The following RGL1 variants were observed in gnomAD, a reference collection of about 807,000 sequenced individuals.
RGL1 encodes the protein ral guanine nucleotide dissociation stimulator-like 1.
In RGL1, 24 loss-of-function variants were observed where a neutral mutation model predicts 95.2. The ratio of observed to expected loss-of-function variants is 0.25; its 90% CI spans 0.18 to 0.35. The LOEUF is 0.35. RGL1 is among the 10% of genes least tolerant of loss of function. The probability of loss-of-function intolerance (pLI) is 1.00; values close to 1 mark genes in which losing one functional copy is unlikely to be tolerated. For missense variants in RGL1, 715 were observed against 936.3 expected, an observed-to-expected ratio of 0.76 and a Z score of 3.08; for synonymous variants, 329 against 344.9, an observed-to-expected ratio of 0.95 and a Z score of 0.51.
intron 1 of RGL1, among the ~76,000 whole-genome samples, chr1:183,716,940 A>G (rs1333356018): frequency 6.6e-6 from 1 of 152,210 alleles, no homozygotes. Context: ...CTGGCAAATC[A>G]GGGAGCCAAG....
chr1:183,833,867 T>A, intron 2 of RGL1, among the ~76,000 whole-genome samples: 1 of 152,264 alleles, frequency 6.6e-6, no homozygotes, highest in East Asian at 1.9e-4. Flanking sequence ...CTGCAGTTAG[T>A]ATTTTTAGTT....
chr1:183,813,304 G>A (rs1661852602), intron 2 of RGL1, among the ~76,000 whole-genome samples: 1 of 152,170 alleles, frequency 6.6e-6, no homozygotes, highest in Non-Finnish European at 1.5e-5. Context: ...AAATGTACTG[G>A]GGACTTCAAG....
At chr1:183,908,493 T>C (rs1475202526) in intron 14 of RGL1, among the ~76,000 whole-genome samples, 1 of 152,234 alleles carries the variant, frequency 6.6e-6, no homozygotes, top group Non-Finnish European at 1.5e-5. Flanking sequence ...ATGACTGTCC[T>C]GGCCCTGCGG....
intron 10 of RGL1, among the ~76,000 whole-genome samples, chr1:183,898,813 C>A (rs1392952443): frequency 6.6e-6 from 1 of 152,124 alleles, no homozygotes; most frequent in East Asian, 1.9e-4. Context: ...AGGACAAAAC[C>A]CTCCTTGGTA....
intron 1 of RGL1, among the ~76,000 whole-genome samples, chr1:183,644,142 A>G (rs1418062778): frequency 2.6e-5 from 4 of 152,178 alleles, no homozygotes; most frequent in African/African-American, 9.7e-5. Flanking sequence ...ATTCTTTCAG[A>G]CTTTGTAGTG....
rs766042430 is a variant in RGL1, at chr1:183,883,888, A to G, written c.713A>G (p.Glu238Gly). ...TGCTTCTCAGAAGATCTCGTGGCAG[A>G]GCAGCTGACCTACATGGATGCAGTA... Reference protein sequence around the residue: ...FTCFSEDLVAEQLTYMDAQLF... With the variant: ...FTCFSEDLVAGQLTYMDAQLF... The change falls in exon 6 of 18, where the codon GAG (glutamate) becomes GGG (glycine). Residue 238 changes from glutamate to glycine, a missense_variant. Coordinates refer to ENST00000360851, the MANE Select transcript of RGL1 (RefSeq NM_001297671.3). The G allele has an allele frequency of 3.7e-6, 6 of 1,613,958 alleles. No homozygotes were observed. The highest frequency in any genetic ancestry group is 1.1e-5 in the South Asian group (1 of 91,076).
chr1:183,827,067 C>G (rs1208948013), intron 2 of RGL1, among the ~76,000 whole-genome samples: 1 of 152,156 alleles, frequency 6.6e-6, no homozygotes, highest in African/African-American at 2.4e-5. Context: ...GGATTACAGG[C>G]ATACGCCACC....
chr1:183,699,922 T>C (rs1425953490), intron 1 of RGL1, among the ~76,000 whole-genome samples: 1 of 152,050 alleles, frequency 6.6e-6, no homozygotes, highest in Admixed American at 6.6e-5. Context: ...TTCCTAGGAG[T>C]GTCTACCTCA....
chr1:183,828,731 AAT>A, intron 2 of RGL1, among the ~76,000 whole-genome samples: 1 of 152,342 alleles, frequency 6.6e-6, no homozygotes, highest in Non-Finnish European at 1.5e-5. Context: ...CCCAATCTGA[AAT>A]TTACTAGTCA....
chr1:183,713,534 TG>T (rs2102182762), intron 1 of RGL1, among the ~76,000 whole-genome samples: 1 of 152,132 alleles, frequency 6.6e-6, no homozygotes, highest in African/African-American at 2.4e-5. Flanking sequence ...CATTTGGGAG[TG>T]GGGCCTTTTG....
intron 2 of RGL1, among the ~76,000 whole-genome samples, chr1:183,842,218 A>C (rs1446173343): frequency 6.6e-6 from 1 of 152,142 alleles, no homozygotes; most frequent in African/African-American, 2.4e-5. Context: ...GATATACTGA[A>C]GAGTGATCAT....
At chr1:183,730,893 C>A (rs1169351852) in intron 1 of RGL1, among the ~76,000 whole-genome samples, 1 of 152,156 alleles carries the variant, frequency 6.6e-6, no homozygotes, top group Non-Finnish European at 1.5e-5. Flanking sequence ...TTCAAAGTAA[C>A]AAGCCTCGAA....
intron 2 of RGL1, among the ~76,000 whole-genome samples, chr1:183,785,504 A>G (rs1660112457): frequency 6.6e-6 from 1 of 152,136 alleles, no homozygotes; most frequent in African/African-American, 2.4e-5. Context: ...ATTATTTTTG[A>G]GGTCCTATTA....
chr1:183,750,876 G>A (rs1196568650), intron 2 of RGL1, among the ~76,000 whole-genome samples: 1 of 152,202 alleles, frequency 6.6e-6, no homozygotes, highest in Admixed American at 6.5e-5. Context: ...GTTTGTCTGG[G>A]TATCACCAGT....
chr1:183,658,372 A>G (rs1055492731), intron 1 of RGL1, among the ~76,000 whole-genome samples: 4 of 152,244 alleles, frequency 2.6e-5, no homozygotes, highest in Non-Finnish European at 5.9e-5. Context: ...GCACTTTTCC[A>G]ACAGGCTTAA....
chr1:183,906,186 G>A (rs1210679986), intron 13 of RGL1, among the ~76,000 whole-genome samples: 3 of 152,128 alleles, frequency 2.0e-5, no homozygotes, highest in African/African-American at 7.2e-5. Flanking sequence ...ACTCAGGTCT[G>A]CCCGGCTCTA....
chr1:183,853,941 A>G (rs115403828), intron 3 of RGL1, among the ~76,000 whole-genome samples: 2,565 of 152,242 alleles, frequency 0.017, 67 homozygotes, highest in African/African-American at 0.054. Flanking sequence ...AGTTGTGAGC[A>G]GTTCACTTGA....
At chr1:183,698,444 C>T (rs1175109896) in intron 1 of RGL1, among the ~76,000 whole-genome samples, 2 of 152,188 alleles carry the variant, frequency 1.3e-5, no homozygotes, top group South Asian at 2.1e-4. Flanking sequence ...TACTTTGATA[C>T]AATGCCTAAA....
At chr1:183,660,176 C>T (rs144071359) in intron 1 of RGL1, among the ~76,000 whole-genome samples, 10,427 of 152,132 alleles carry the variant, frequency 0.069, 617 homozygotes, top group African/African-American at 0.16. Context: ...CAGCTAACAT[C>T]ATAATGACAG....
Sources: gnomAD v4.1 joint callset for allele counts (sites outside exome capture counted in the v4.1 genomes callset) on GRCh38, gnomAD v4.1.1 for gene constraint, MANE v1.5 for transcripts, NCBI Gene and HGNC (gene_info 2026-07-23, HGNC 2026-07-21) for gene names.